The following ARMCX4 variants were observed in gnomAD, a reference collection of about 807,000 sequenced individuals.
The protein encoded by ARMCX4 is armadillo repeat-containing X-linked protein 4.
Under a neutral mutation model 34.7 loss-of-function variants are expected in ARMCX4, and 3 were observed. That is an observed-to-expected ratio of 0.09 (90% CI 0.04 to 0.22). ARMCX4 has a LOEUF of 0.22. Ranked by LOEUF, ARMCX4 falls within the 10% of genes least tolerant of loss-of-function variation. The pLI is 1.00. For missense variants in ARMCX4, 1,448 were observed against 1,720.8 expected (o/e 0.84, Z 2.81); for synonymous variants, 513 against 632.8 (o/e 0.81, Z 2.84).
chrX:101,438,213 T>A (rs1930945683), intron 2 of ARMCX4, among the ~76,000 whole-genome samples: 1 of 111,172 alleles, frequency 9.0e-6, no homozygotes, highest in African/African-American at 3.3e-5. Flanking sequence ...TTCCTGTATA[T>A]CCTTGTTAAC....
chrX:101,519,407 A>C (rs1430245586), intron 11 of ARMCX4, among the ~76,000 whole-genome samples: 2 of 111,495 alleles, frequency 1.8e-5, no homozygotes, highest in Non-Finnish European at 3.8e-5. Context: ...ATATAAGTGG[A>C]ATCCTACAGT....
chrX:101,437,095 T>C (rs1486486369), intron 2 of ARMCX4, among the ~76,000 whole-genome samples: 1 of 111,696 alleles, frequency 9.0e-6, no homozygotes, highest in Non-Finnish European at 1.9e-5. Context: ...GGGATATTGG[T>C]CTAAAATTCT....
chrX:101,478,921 AAAG>A (rs1232906702), intron 4 of ARMCX4, among the ~76,000 whole-genome samples: 17 of 111,504 alleles, frequency 1.5e-4, no homozygotes, highest in Non-Finnish European at 3.0e-4. Context: ...GGGAAATGAA[AAAG>A]AAGAAATTAA....
chrX:101,528,425 G>A (rs1367649413), intron 11 of ARMCX4, among the ~76,000 whole-genome samples: 1 of 111,681 alleles, frequency 9.0e-6, no homozygotes, highest in East Asian at 2.8e-4. Context: ...ACTGGCACAA[G>A]ACAGGGATGC....
At chrX:101,520,019 T>C (rs1319214964) in intron 11 of ARMCX4, among the ~76,000 whole-genome samples, 2 of 111,918 alleles carry the variant, frequency 1.8e-5, no homozygotes, top group African/African-American at 6.5e-5. Flanking sequence ...TCAAGTTATT[T>C]GGTTTTCTCC....
intron 4 of ARMCX4, among the ~76,000 whole-genome samples, chrX:101,453,493 C>T (rs1176635899): frequency 1.8e-5 from 2 of 111,767 alleles, no homozygotes; most frequent in Non-Finnish European, 1.9e-5. Context: ...CAGGCTTTCA[C>T]GTGGTGCTGA....
chrX:101,487,674 C>G lies in ARMCX4; in HGVS notation c.-220C>G, dbSNP rs963615943. 1.5e-5 allele frequency: 14 copies of G among 961,613 alleles called. No homozygotes were observed. The African/African-American group carries it at 2.2e-4, about 15-fold the overall frequency. 79.2% of individuals were successfully genotyped at this position (961,613 alleles called of 1,213,427 possible). On this transcript the variant is annotated 5_prime_UTR_variant, in exon 4 of 6. Coordinates refer to ENST00000423738, the MANE Select transcript of ARMCX4 (RefSeq NM_001256155.3). ...GCAAAGAAACAAAGAGGAGATTGCT[C>G]CTGATCAGTATAGACTGGTAAGAGT...
intron 4 of ARMCX4, among the ~76,000 whole-genome samples, chrX:101,477,096 A>G (rs1933223485): frequency 9.0e-6 from 1 of 111,295 alleles, no homozygotes; most frequent in Non-Finnish European, 1.9e-5. Flanking sequence ...ACAACTAATC[A>G]AAACTGGCTC....
At chrX:101,435,114 G>T (rs1930623937) in intron 2 of ARMCX4, among the ~76,000 whole-genome samples, 1 of 111,570 alleles carries the variant, frequency 9.0e-6, no homozygotes, top group African/African-American at 3.3e-5. Context: ...GCATGTGTCT[G>T]TATAGCAGCA....
At chrX:101,459,123 G>A (rs782209307) in intron 4 of ARMCX4, among the ~76,000 whole-genome samples, 12 of 111,710 alleles carry the variant, frequency 1.1e-4, no homozygotes, top group Non-Finnish European at 1.9e-4. Context: ...CTTTCTTGCC[G>A]TCTTTAGTGT....
At position 101,490,058 on chromosome X, in the gene ARMCX4, T is replaced by C. The variant is rs1054691336; in HGVS notation, c.1469T>C (p.Ile490Thr). ...VQADTLSDGK[I>T]KVRGNVNTMP... The stretch of plus-strand genomic sequence containing the variant: ...GCTGATACCTTGTCTGATGGCAAAA[T>C]TAAGGTCAGGGGCAATGTCAATACC... Residue 490 changes from isoleucine to threonine, a missense_variant, in exon 6 of 6, where the codon ATT becomes ACT. Transcript: ENST00000423738. The C allele has an allele frequency of 5.2e-6, 6 of 1,155,179 alleles. No homozygotes were observed. The highest frequency in any genetic ancestry group is 4.6e-6 in the Non-Finnish European group (4 of 872,660).
rs1485293420 is a variant in ARMCX4, at chrX:101,529,314, T to C, written c.*1781-2330T>C. ...GCTGAAACTGGATCCCTTCCTTACATCTTATACAAAAATTAATTCAAGATG... is the reference window on the plus strand; with the variant it reads ...GCTGAAACTGGATCCCTTCCTTACACCTTATACAAAAATTAATTCAAGATG... On this transcript the variant is annotated intron_variant and NMD_transcript_variant, in intron 11 of 12. Transcript: ENST00000354842. 2.7e-5 allele frequency among the ~76,000 whole-genome samples: 3 copies of C among 111,448 alleles called. No homozygotes were observed. In the East Asian group the frequency reaches 8.4e-4, roughly 31 times the overall value.
intron 7 of ARMCX4, among the ~76,000 whole-genome samples, chrX:101,504,265 T>G (rs1934387229): frequency 8.9e-6 from 1 of 111,754 alleles, no homozygotes; most frequent in Admixed American, 9.5e-5. Context: ...GACTTGGCAA[T>G]GCGGGCTCTT....
intron 7 of ARMCX4, among the ~76,000 whole-genome samples, chrX:101,502,445 G>T (rs1397936765): frequency 2.7e-5 from 3 of 111,837 alleles, no homozygotes; most frequent in African/African-American, 9.7e-5. Flanking sequence ...CCACTATGTT[G>T]CTCAGGCTGG....
intron 11 of ARMCX4, among the ~76,000 whole-genome samples, chrX:101,515,343 T>TTTCTTTCTTTCTTTC (rs1556017372): frequency 7.6e-4 from 13 of 17,006 alleles, no homozygotes; most frequent in South Asian, 3.5e-3. Flanking sequence ...TTTCCTTTCC[T>TTTCTTTCTTTCTTTC]TTTCTTTCTT....
At chrX:101,461,567 A>G in intron 4 of ARMCX4, among the ~76,000 whole-genome samples, 1 of 111,733 alleles carries the variant, frequency 8.9e-6, no homozygotes, top group Non-Finnish European at 1.9e-5. Flanking sequence ...TCTTTTGGCT[A>G]TATACCCAGA....
downstream of ARMCX4, chrX:101,498,640 G>GT (rs1556012624): frequency 8.9e-6 from 1 of 112,476 alleles, no homozygotes; most frequent in African/African-American, 3.2e-5. Flanking sequence ...TCTTTTCCAG[G>GT]TAGAAGGTGG....
chrX:101,488,249 G>T, intron 5 of ARMCX4, 150 bp downstream of exon 5: 1 of 394,145 alleles, frequency 2.5e-6, no homozygotes, highest in Non-Finnish European at 4.1e-6. Flanking sequence ...GTGTATAGAA[G>T]TATCTTGGAA....
At chrX:101,476,153 T>A (rs1556004221) in intron 4 of ARMCX4, among the ~76,000 whole-genome samples, 2 of 110,375 alleles carry the variant, frequency 1.8e-5, no homozygotes, top group Non-Finnish European at 1.9e-5. Flanking sequence ...GGGGTCATAT[T>A]TATTATTCAT....
Sources: allele counts gnomAD v4.1 joint callset (sites outside exome capture counted in the v4.1 genomes callset), GRCh38; gene constraint gnomAD v4.1.1; transcripts MANE v1.5; gene names NCBI Gene and HGNC (gene_info 2026-07-23, HGNC 2026-07-21).